MDH1: variants seen among roughly 807,000 people sequenced by gnomAD.
MDH1 encodes the protein malate dehydrogenase 1, also known as malate dehydrogenase, cytoplasmic.
In MDH1, 15 loss-of-function variants were observed where a neutral mutation model predicts 38.7. The observed-to-expected ratio is 0.39, with a 90% CI of 0.26 to 0.60. The LOEUF (loss-of-function observed/expected upper bound fraction) is 0.60, where lower values mean the gene tolerates loss of function less well. Ranked by LOEUF, MDH1 falls within the 20% of genes least tolerant of loss-of-function variation. MDH1 has a pLI of 0.56. For missense variants in MDH1, 368 were observed against 405.2 expected, an observed-to-expected ratio of 0.91 and a Z score of 0.79; for synonymous variants, 144 against 143.6, an observed-to-expected ratio of 1.00 and a Z score of -0.02.
At chr2:63,600,583 G>T (rs1032445419) in intron 5 of MDH1, among the ~76,000 whole-genome samples, 2 of 152,172 alleles carry the variant, frequency 1.3e-5, no homozygotes, top group Non-Finnish European at 2.9e-5. Context: ...CCCTTAGCAT[G>T]GTGCCTGCAC....
At chr2:63,593,226 A>C (rs1311933131) in intron 1 of MDH1, 1 of 171,858 alleles carries the variant, frequency 5.8e-6, no homozygotes, top group Admixed American at 5.7e-5. Flanking sequence ...CAGCCTTCCA[A>C]ATAGCTGGGA....
At chr2:63,589,404 G>A (rs1709106602) in intron 1 of MDH1, 1 of 1,548,948 alleles carries the variant, frequency 6.5e-7, no homozygotes, top group South Asian at 1.2e-5. Context: ...GGGAGGGAAA[G>A]GTTGGGTCCT....
At chr2:63,589,451 A>G in intron 1 of MDH1, 2 of 1,478,082 alleles carry the variant, frequency 1.4e-6, no homozygotes, top group South Asian at 1.2e-5. Context: ...CAGTGTTTAT[A>G]ACGGCTTTTG....
intron 1 of MDH1, chr2:63,594,239 T>A (rs1001849880): frequency 4.8e-5 from 28 of 578,764 alleles, no homozygotes; most frequent in Admixed American, 9.4e-5. Context: ...TGGTAAAATA[T>A]CCCAAAAAAG....
intron 1 of MDH1, chr2:63,590,486 G>A (rs1709171617): frequency 6.6e-6 from 1 of 152,096 alleles, no homozygotes; most frequent in Non-Finnish European, 1.5e-5. Context: ...CTGAGATTCC[G>A]GATGAAGTTA....
intron 3 of MDH1, among the ~76,000 whole-genome samples, chr2:63,595,837 A>G (rs1462122267): frequency 2.0e-5 from 3 of 152,194 alleles, no homozygotes; most frequent in Non-Finnish European, 2.9e-5. Context: ...ATTATAGACA[A>G]CGTAGGAATT....
At chr2:63,605,059 G>C (rs934347116) in intron 6 of MDH1, among the ~76,000 whole-genome samples, 187 bp downstream of exon 6, 22 of 152,190 alleles carry the variant, frequency 1.4e-4, no homozygotes, top group African/African-American at 5.1e-4. Context: ...TTTATACCAA[G>C]ATCCATGTCT....
Position 63,607,129 on chromosome 2 carries a change from G to C in MDH1, c.*142G>C. ...TAAAGATTACGTGCTTCTTGGTACA[G>C]GTTTGTGAATGACAGTTTATCGTCA... On this transcript the variant is annotated 3_prime_UTR_variant, in exon 9 of 9. Transcript: ENST00000233114. 2.7e-6 allele frequency: 2 copies of C among 731,126 alleles called. No homozygotes were observed. The highest frequency in any genetic ancestry group is 4.1e-6 in the Non-Finnish European group (2 of 483,526). The allele number at this position is 731,126 out of a possible 1,614,324, so 45.3% of individuals were successfully genotyped here. A position where few individuals can be genotyped will look rare whatever the true frequency, so the allele number is the denominator to read the frequency against.
Position 63,594,477 on chromosome 2 carries a change from T to C in MDH1, c.4-11T>C. ...GTACTTAAAGATGTTAATGGGTCTTTTTCATTACAGTCTGAACCAATCAGA... is the reference window on the plus strand; with the variant it reads ...GTACTTAAAGATGTTAATGGGTCTTCTTCATTACAGTCTGAACCAATCAGA... On this transcript the variant is annotated splice_polypyrimidine_tract_variant and intron_variant, in intron 1 of 8. Transcript: ENST00000233114. 6.2e-7 allele frequency: 1 copy of C among 1,604,564 alleles called. No homozygotes were observed. The highest frequency in any genetic ancestry group is 8.5e-7 in the Non-Finnish European group (1 of 1,171,590).
intron 1 of MDH1, chr2:63,594,213 G>T (rs996716327): frequency 1.8e-6 from 1 of 545,094 alleles, no homozygotes; most frequent in Non-Finnish European, 3.6e-6. Flanking sequence ...CATCAACATT[G>T]TTGAGCCTAT....
Position 63,605,972 on chromosome 2 carries a change from G to A in MDH1, c.823G>A (p.Gly275Ser). The A allele has an allele frequency of 6.2e-7, 1 of 1,614,136 alleles. No homozygotes were observed. The highest frequency in any genetic ancestry group is 8.5e-7 in the Non-Finnish European group (1 of 1,179,998). The change falls in exon 8 of 9, where the codon GGC becomes AGC. Residue 275 changes from glycine to serine, a missense_variant. Coordinates refer to ENST00000233114, the MANE Select transcript of MDH1 (RefSeq NM_005917.4). ...EFVSMGVISD[G>S]NSYGVPDDLL... ...TGTGTCCATGGGTGTTATCTCTGAT[G>A]GCAACTCCTATGGTGTTCCTGATGA...
Position 63,599,255 on chromosome 2 carries a change from G to T in MDH1, c.461G>T (p.Cys154Phe). 1 of 1,613,720 alleles carries T rather than the reference G, an allele frequency of 6.2e-7. No individual in the cohort carries two copies. The highest frequency in any genetic ancestry group is 8.5e-7 in the Non-Finnish European group (1 of 1,179,756). ...APSIPKENFS[C>F]LTRLDHNRAK... ...TCCATCCCCAAGGAGAACTTCAGTT[G>T]CTTGACTCGTTTGGATCACAACCGA... Residue 154 changes from cysteine to phenylalanine, a missense_variant, in exon 5 of 9, where the codon TGC becomes TTC. Cys to Phe is a radical substitution (Grantham distance 205). Transcript: ENST00000233114.
rs1239091876 is a variant in MDH1 at position 63,597,289 on chromosome 2, T to C, written c.200-110T>C. On this transcript the variant is annotated intron_variant, in intron 3 of 8. Transcript: ENST00000233114. ...TCCTGAAATGTATATCAGTGTGATA[T>C]GTAAACACTTGCAACAAGTGAAAGA... The C allele has an allele frequency of 4.0e-6, 5 of 1,260,912 alleles. No individual in the cohort carries two copies. In the African/African-American group the frequency reaches 6.1e-5, roughly 15 times the overall value. 78.1% of individuals were successfully genotyped at this position (1,260,912 alleles called of 1,614,324 possible). A position where few individuals can be genotyped will look rare whatever the true frequency, so the allele number is the denominator to read the frequency against.
chr2:63,603,975 C>A (rs1709479467), intron 5 of MDH1, among the ~76,000 whole-genome samples: 1 of 152,212 alleles, frequency 6.6e-6, no homozygotes, highest in African/African-American at 2.4e-5. Context: ...AACTTTCTAA[C>A]CTTTTTTGTG....
chr2:63,605,907 A>G, intron 7 of MDH1, 32 bp from the exon 8 acceptor site: 1 of 1,555,614 alleles, frequency 6.4e-7, no homozygotes, highest in Non-Finnish European at 8.9e-7. Context: ...TAAACTAATC[A>G]TCATGAGTAT....
intron 3 of MDH1, among the ~76,000 whole-genome samples, chr2:63,596,891 C>T (rs1709322923): frequency 6.6e-6 from 1 of 152,172 alleles, no homozygotes; most frequent in African/African-American, 2.4e-5. Context: ...TCTCTTTAAA[C>T]CTCAGTGTCT....
Position 63,597,509 on chromosome 2 carries a change from G to A in MDH1, c.310G>A (p.Ala104Thr). 6.6e-7 allele frequency: 1 copy of A among 1,514,618 alleles called. No individual in the cohort carries two copies. The highest frequency in any genetic ancestry group is 8.9e-7 in the Non-Finnish European group (1 of 1,123,526). The allele number at this position is 1,514,618 out of a possible 1,614,324, so 93.8% of individuals were successfully genotyped here. ...EGMERKDLLK[A>T]NVKIFKSQGA... is the part of the protein sequence containing the mutation. ...CATGGAGAGAAAAGATTTACTGAAA[G>A]CAAATGTGAAAATCTTCAAATCCCA... is the stretch of plus-strand genomic sequence containing the variant. Residue 104 changes from alanine (A) to threonine (T), a missense_variant, in exon 4 of 9, where the codon GCA becomes ACA. Transcript: ENST00000233114.
chr2:63,599,246 ACTT>A lies in MDH1; in HGVS notation c.454_456del (p.Phe152del), dbSNP rs754360894. ...TCAGCTCCATCCATCCCCAAGGAGA[ACTT>A]CAGTTGCTTGACTCGTTTGGATCAC... On this transcript the variant is annotated inframe_deletion, in exon 5 of 9. Transcript: ENST00000233114. 6.2e-7 allele frequency: 1 copy of A among 1,613,752 alleles called. No homozygotes were observed. Among genetic ancestry groups the A allele is most frequent in the Non-Finnish European group, 8.5e-7 (1 of 1,179,734 alleles).
At position 63,594,594 on chromosome 2, in the gene MDH1, CA is replaced by C. The variant is rs1486590327; in HGVS notation, c.102+9del. On this transcript the variant is annotated intron_variant, in intron 2 of 8. Transcript: ENST00000233114. ...GTCTTTGGTAAAGATCAGGTAGGAA[CA>C]GGTGTCTATAAATCTTAAGTTATTA... 1 of 1,575,872 alleles carries C rather than the reference CA, an allele frequency of 6.3e-7. No individual in the cohort carries two copies. The highest frequency in any genetic ancestry group is 8.7e-7 in the Non-Finnish European group (1 of 1,146,914).
Sources: allele counts gnomAD v4.1 joint callset (sites outside exome capture counted in the v4.1 genomes callset), GRCh38; gene constraint gnomAD v4.1.1; transcripts MANE v1.5; gene names NCBI Gene and HGNC (gene_info 2026-07-23, HGNC 2026-07-21).